Variants in CRHR2 observed in about 807,000 individuals in gnomAD.
CRHR2 encodes corticotropin-releasing hormone receptor 2.
A neutral mutation model predicts 57.9 loss-of-function variants in CRHR2; 53 were observed. That is an observed-to-expected ratio of 0.92 (90% confidence interval 0.73 to 1.15). The LOEUF (loss-of-function observed/expected upper bound fraction) is 1.15. Among genes scored for constraint, CRHR2 ranks in the 50% most tolerant of loss-of-function variants. The pLI is 0.00. For synonymous variants in CRHR2, 213 were observed against 220.9 expected, an observed-to-expected ratio of 0.96 and a Z score of 0.32; for missense variants, 532 against 542.6, an observed-to-expected ratio of 0.98 and a Z score of 0.19.
chr7:30,691,558 C>T (rs1024570599), intron 1 of CRHR2, among the ~76,000 whole-genome samples: 2 of 152,184 alleles, frequency 1.3e-5, no homozygotes, highest in African/African-American at 4.8e-5. Flanking sequence ...AGGCTGTGGC[C>T]ATCTTCTGGC....
At chr7:30,663,274 A>T (rs1451384963) in intron 5 of CRHR2, among the ~76,000 whole-genome samples, 1 of 152,208 alleles carries the variant, frequency 6.6e-6, no homozygotes, top group Non-Finnish European at 1.5e-5. Flanking sequence ...TTAGAAAAAA[A>T]TGAAAAAATA....
chr7:30,656,392 C>T lies in CRHR2; in HGVS notation c.832-380G>A, dbSNP rs537076134. On this transcript the variant is annotated intron_variant, in intron 8 of 11. Transcript: ENST00000471646. The surrounding 1 kb of genome is among the most constrained non-coding windows in gnomAD (Gnocchi z 4.4). Reference sequence around the variant, plus strand: ...CCACGGGGTCCCTACTTGTTGACTGCGGGGCTCTCTGAGTCCCTTGCACTG... The same window carrying T: ...CCACGGGGTCCCTACTTGTTGACTGTGGGGCTCTCTGAGTCCCTTGCACTG... 9.8e-5 allele frequency among the ~76,000 whole-genome samples: 15 copies of T among 152,302 alleles called. No homozygotes were observed. In the South Asian group the frequency reaches 2.5e-3, roughly 25 times the overall value.
chr7:30,653,597 G>A lies in CRHR2; in HGVS notation c.1099C>T (p.Arg367Cys), dbSNP rs151248954. ...TGCCACCTCTTCCTCACGGCTGAGC[G>A]CACCTGTGGGGAAGGCAGAGGCTCA... The part of the protein sequence containing the change: ...VFYCFFNGEV[R>C]SAVRKRWHRW... Residue 367 changes from arginine (R) to cysteine (C), a missense_variant, in exon 12 of 12, where the codon CGC becomes TGC. Physicochemically the swap from Arg to Cys is radical, Grantham distance 180. Coordinates refer to ENST00000471646, the MANE Select transcript of CRHR2 (RefSeq NM_001883.5). This position sits in a 1 kb window ranked among gnomAD's most constrained non-coding sequence, Gnocchi z 5.0. 3.9e-5 allele frequency: 63 copies of A among 1,608,950 alleles called. No homozygotes were observed. Among genetic ancestry groups the A allele is most frequent in the Admixed American group, 1.7e-4 (10 of 59,906 alleles).
intron 1 of CRHR2, among the ~76,000 whole-genome samples, chr7:30,694,972 G>A (rs1437720690): frequency 7.2e-6 from 1 of 137,940 alleles, no homozygotes; most frequent in Non-Finnish European, 1.6e-5. Flanking sequence ...GGAGGAAGAG[G>A]AGTATGGGGG....
At chr7:30,688,635 A>G (rs1001220891) in intron 2 of CRHR2, among the ~76,000 whole-genome samples, 5 of 152,144 alleles carry the variant, frequency 3.3e-5, no homozygotes, top group African/African-American at 1.2e-4. Context: ...CATCCTGTGG[A>G]TGCAGACCTG....
At chr7:30,699,755 C>T (rs963423794) in intron 1 of CRHR2, 1 of 500,426 alleles carries the variant, frequency 2.0e-6, no homozygotes, top group Non-Finnish European at 3.5e-6. Flanking sequence ...CAAGGATCCC[C>T]GATCCAGCCC....
chr7:30,680,872 G>C (rs1393142462), intron 2 of CRHR2, among the ~76,000 whole-genome samples: 4 of 151,408 alleles, frequency 2.6e-5, no homozygotes. Context: ...GGTGGAGGTG[G>C]AGCTGGGCTA....
At chr7:30,657,481 A>T (rs540884825) in intron 8 of CRHR2, among the ~76,000 whole-genome samples, 2 of 152,238 alleles carry the variant, frequency 1.3e-5, no homozygotes, top group African/African-American at 4.8e-5. Flanking sequence ...CCCCTGGATC[A>T]TGGGACACAA....
Position 30,660,601 on chromosome 7 carries a change from T to C in CRHR2, c.803A>G (p.Tyr268Cys). The change falls in exon 8 of 12, where the codon TAC becomes TGC. Residue 268 changes from tyrosine (Y) to cysteine (C), a missense_variant. By Grantham distance (194) the Tyr-to-Cys change is radical. Transcript: ENST00000471646. ...GAGCACGAGAATGATGGGGCCTTGGTAGATGTAGTCCACCAGGTCGCCAGG... is the reference window on the plus strand; with the variant it reads ...GAGCACGAGAATGATGGGGCCTTGGCAGATGTAGTCCACCAGGTCGCCAGG... ...KEPGDLVDYI[Y>C]QGPIILVLLI... is the part of the protein sequence containing the mutation. The C allele has an allele frequency of 6.4e-7, 1 of 1,571,470 alleles. No individual in the cohort carries two copies. Among genetic ancestry groups the C allele is most frequent in the Non-Finnish European group, 8.6e-7 (1 of 1,157,916 alleles).
chr7:30,676,981 G>A (rs572199726), intron 2 of CRHR2, among the ~76,000 whole-genome samples: 30 of 152,364 alleles, frequency 2.0e-4, no homozygotes, highest in African/African-American at 6.5e-4. Context: ...GGTCAAGGAG[G>A]CTGAGGCTCA....
intron 8 of CRHR2, among the ~76,000 whole-genome samples, chr7:30,658,836 A>G (rs1783886044): frequency 6.6e-6 from 1 of 152,236 alleles, no homozygotes; most frequent in African/African-American, 2.4e-5. Context: ...TTCACTTCTC[A>G]GAACCAGAAA....
chr7:30,670,152 A>T (rs1268527016), intron 2 of CRHR2, among the ~76,000 whole-genome samples: 2 of 152,016 alleles, frequency 1.3e-5, no homozygotes, highest in Non-Finnish European at 2.9e-5. Context: ...CAAACACAGA[A>T]TCCAGCTGTA....
At chr7:30,670,091 C>T (rs897796438) in intron 2 of CRHR2, among the ~76,000 whole-genome samples, 8 of 152,042 alleles carry the variant, frequency 5.3e-5, no homozygotes, top group African/African-American at 1.2e-4. Context: ...TGCCCTTGAA[C>T]CACAATAACA....
intron 10 of CRHR2, among the ~76,000 whole-genome samples, 188 bp downstream of exon 10, chr7:30,655,392 A>T (rs1454683299): frequency 6.6e-6 from 1 of 152,202 alleles, no homozygotes; most frequent in African/African-American, 2.4e-5. Flanking sequence ...GGCTGGTAGG[A>T]TGAAGACCCA....
intron 5 of CRHR2, 90 bp from the exon 6 acceptor site, chr7:30,662,937 T>A: frequency 6.7e-7 from 1 of 1,484,670 alleles, no homozygotes; most frequent in Non-Finnish European, 9.1e-7. Flanking sequence ...GACACAGGGC[T>A]CCCCAAAGGG....
chr7:30,678,549 A>T (rs1784593163), intron 2 of CRHR2, among the ~76,000 whole-genome samples: 1 of 152,138 alleles, frequency 6.6e-6, no homozygotes, highest in Non-Finnish European at 1.5e-5. Context: ...AAGATGGCTC[A>T]AGGCTCTGAC....
chr7:30,667,068 C>G (rs1158606037), intron 3 of CRHR2, among the ~76,000 whole-genome samples, 160 bp downstream of exon 3: 1 of 152,348 alleles, frequency 6.6e-6, no homozygotes, highest in Admixed American at 6.5e-5. Flanking sequence ...TACAGTGTCA[C>G]TAAGCACAGG....
chr7:30,682,717 C>T (rs370533803), upstream of CRHR2: 114 of 172,472 alleles, frequency 6.6e-4, 2 homozygotes, highest in East Asian at 0.015. Context: ...GGATCGCAGG[C>T]CCCCGAGCTG....
At chr7:30,689,833 G>A (rs944387098) in intron 1 of CRHR2, among the ~76,000 whole-genome samples, 10 of 152,196 alleles carry the variant, frequency 6.6e-5, no homozygotes, top group African/African-American at 2.2e-4. Flanking sequence ...GCAACGAAGA[G>A]CATTAGGTTA....
Sources: gnomAD v4.1 joint callset for allele counts (sites outside exome capture counted in the v4.1 genomes callset) on GRCh38, gnomAD v4.1.1 for gene constraint, Gnocchi (gnomAD v3.1) non-coding constraint, MANE v1.5 for transcripts, NCBI Gene and HGNC (gene_info 2026-07-23, HGNC 2026-07-21) for gene names.